ARID2: variants seen among roughly 807,000 people sequenced by gnomAD.
The protein encoded by ARID2 is AT-rich interactive domain-containing protein 2.
Under a neutral mutation model 184.6 loss-of-function variants are expected in ARID2, and 32 were observed. That is an observed-to-expected ratio of 0.17 (90% CI 0.13 to 0.23). The LOEUF is 0.23. ARID2 is among the 10% of genes least tolerant of loss of function. The probability of loss-of-function intolerance (pLI) is 1.00; values close to 1 mark genes in which losing one functional copy is unlikely to be tolerated. For synonymous variants in ARID2, 836 were observed against 772.6 expected (o/e 1.08, Z -1.36); for missense variants, 1,696 against 2,197.6 (o/e 0.77, Z 4.56).
rs779533809 is a variant in ARID2 at position 45,817,725 on chromosome 12, T to C, written c.474T>C (p.Tyr158=). ...LSMDFNSPND[Y]NKLVLSLLSG... is the part of the protein sequence containing the mutation. ...TGGACTTTAATTCGCCAAATGATTA[T>C]AATAAATTGGTGCTTTCACTGTTAT... Residue 158 remains tyrosine (Y), a synonymous_variant, in exon 5 of 21, where the codon TAT becomes TAC. Transcript: ENST00000334344. 6.2e-7 allele frequency: 1 copy of C among 1,613,004 alleles called. No individual in the cohort carries two copies. Among genetic ancestry groups the C allele is most frequent in the East Asian group, 2.2e-5 (1 of 44,838 alleles).
At position 45,775,311 on chromosome 12, in the gene ARID2, A is replaced by G. The variant is rs374152225; in HGVS notation, c.285-36107A>G. ...AACTATTTTTGGATCATTGCCCTCT[A>G]TGCCTGACAGAGTCTTCCAGAATGT... On this transcript the variant is annotated intron_variant, in intron 3 of 20. Transcript: ENST00000334344. Among the ~76,000 whole-genome samples, 351 of 152,292 alleles carry G rather than the reference A, an allele frequency of 2.3e-3. 12 individuals carry two copies. In the South Asian group the frequency reaches 0.068, roughly 29 times the overall value.
At chr12:45,884,028 T>C (rs189331454) in intron 16 of ARID2, among the ~76,000 whole-genome samples, 120 of 152,322 alleles carry the variant, frequency 7.9e-4, no homozygotes, top group Non-Finnish European at 1.3e-3. Context: ...TTTTTTTATT[T>C]CATTAAAACC....
chr12:45,850,798 G>A lies in ARID2; in HGVS notation c.2675G>A (p.Gly892Glu), dbSNP rs1419044661. 2 of 1,613,920 alleles carry A rather than the reference G, an allele frequency of 1.2e-6. No individual in the cohort carries two copies. Among genetic ancestry groups the A allele is most frequent in the African/African-American group, 2.7e-5 (2 of 74,852 alleles). ...GVPSPQASRV[G>E]FQNIAPKPLP... ...CCAAGTCCACAAGCCTCAAGGGTAG[G>A]GTTTCAGAACATTGCACCAAAACCT... The change falls in exon 15 of 21, where the codon GGG becomes GAG. Residue 892 changes from glycine (G) to glutamate (E), a missense_variant. This residue lies in a region of ARID2 where 713 missense variants were observed against 824.4 expected (regional missense o/e 0.86). Coordinates refer to ENST00000334344, the MANE Select transcript of ARID2 (RefSeq NM_152641.4).
chr12:45,760,741 A>G (rs1462368949), intron 3 of ARID2, among the ~76,000 whole-genome samples: 1 of 151,038 alleles, frequency 6.6e-6, no homozygotes, highest in East Asian at 2.0e-4. Context: ...TTTTGATACT[A>G]TGGTGGGTTT....
rs1456476967 is a variant in ARID2 at position 45,851,280 on chromosome 12, G to T, written c.3157G>T (p.Ala1053Ser). The change falls in exon 15 of 21, where the codon GCC becomes TCC. Residue 1053 changes from alanine to serine, a missense_variant. Ala to Ser is a moderately conservative substitution (Grantham distance 99). Coordinates refer to ENST00000334344, the MANE Select transcript of ARID2 (RefSeq NM_152641.4). Reference protein sequence around the residue: ...QQSNAGVGQPASGESSLIKQL... With the variant: ...QQSNAGVGQPSSGESSLIKQL... ...GTCGAATGCAGGAGTTGGTCAGCCT[G>T]CCTCTGGTGAGTCGAGTCTGATTAA... The T allele has an allele frequency of 6.2e-7, 1 of 1,614,194 alleles. No individual in the cohort carries two copies. The highest frequency in any genetic ancestry group is 1.1e-5 in the South Asian group (1 of 91,080).
chr12:45,848,772 G>A, intron 12 of ARID2, 64 bp from the exon 13 acceptor site: 3 of 1,405,544 alleles, frequency 2.1e-6, no homozygotes, highest in East Asian at 2.4e-5. Context: ...CATGGCTTTA[G>A]TATATTTAAA....
At chr12:45,745,730 A>G (rs921864876) in intron 3 of ARID2, among the ~76,000 whole-genome samples, 7 of 152,130 alleles carry the variant, frequency 4.6e-5, no homozygotes, top group African/African-American at 1.7e-4. Context: ...TTGTACGTTT[A>G]GTAGAGACAG....
chr12:45,875,885 A>G (rs1944001419), intron 16 of ARID2, among the ~76,000 whole-genome samples: 1 of 152,234 alleles, frequency 6.6e-6, no homozygotes, highest in East Asian at 1.9e-4. Context: ...TTGATATTCT[A>G]TCCAGACCTC....
At chr12:45,775,391 C>A (rs1370901799) in intron 3 of ARID2, among the ~76,000 whole-genome samples, 2 of 152,088 alleles carry the variant, frequency 1.3e-5, no homozygotes, top group African/African-American at 4.8e-5. Flanking sequence ...CTCTTTTATG[C>A]CCTTGGGTTT....
chr12:45,866,926 AG>A (rs1475486245), intron 16 of ARID2, among the ~76,000 whole-genome samples: 8 of 142,012 alleles, frequency 5.6e-5, no homozygotes, highest in African/African-American at 2.3e-4. Context: ...TGTTTTGTGA[AG>A]TTTGTTGTTG....
At position 45,738,779 on chromosome 12, in the gene ARID2, C is replaced by CTTTTTTTTTT. The variant is rs11333868; in HGVS notation, c.284+7490_284+7499dup. 5.9e-4 allele frequency among the ~76,000 whole-genome samples: 37 copies of CTTTTTTTTTT among 62,288 alleles called. 3 individuals carry two copies. Among genetic ancestry groups the CTTTTTTTTTT allele is most frequent in the South Asian group, 2.4e-3 (3 of 1,256 alleles). 40.9% of individuals were successfully genotyped at this position (62,288 alleles called of 152,430 possible). ...TTTTCTTCCTGGGGCATATGGGCTA[C>CTTTTTTTTTT]TTTTTTTTTTTTTTTTTTTTTTTTT... On this transcript the variant is annotated intron_variant, in intron 3 of 20. Coordinates refer to ENST00000334344, the MANE Select transcript of ARID2 (RefSeq NM_152641.4).
intron 3 of ARID2, among the ~76,000 whole-genome samples, chr12:45,805,434 G>A (rs1942582788): frequency 6.6e-6 from 1 of 151,868 alleles, no homozygotes; most frequent in Non-Finnish European, 1.5e-5. Flanking sequence ...ATTCAGATGA[G>A]GAGTATTGTT....
At chr12:45,768,424 CAA>C (rs1193613689) in intron 3 of ARID2, among the ~76,000 whole-genome samples, 5 of 152,174 alleles carry the variant, frequency 3.3e-5, no homozygotes, top group African/African-American at 4.8e-5. Context: ...CCCAACTCCA[CAA>C]AGTGTTTTTG....
chr12:45,861,462 G>C (rs1032206707), intron 16 of ARID2, among the ~76,000 whole-genome samples: 1 of 151,918 alleles, frequency 6.6e-6, no homozygotes, highest in Non-Finnish European at 1.5e-5. Context: ...TCTTAGACTT[G>C]AAGGAAAACT....
intron 8 of ARID2, 111 bp from the exon 9 acceptor site, chr12:45,837,210 A>G: frequency 8.5e-7 from 1 of 1,179,438 alleles, no homozygotes; most frequent in Non-Finnish European, 1.2e-6. Flanking sequence ...TTACAATAAC[A>G]TTTTTTAACG....
intron 20 of ARID2, among the ~76,000 whole-genome samples, chr12:45,900,209 C>T (rs1944440516): frequency 6.6e-6 from 1 of 152,056 alleles, no homozygotes; most frequent in African/African-American, 2.4e-5. Flanking sequence ...TACAGGCTCC[C>T]ACTACTACGC....
chr12:45,785,278 A>C (rs1418049861), intron 3 of ARID2, among the ~76,000 whole-genome samples: 1 of 152,208 alleles, frequency 6.6e-6, no homozygotes, highest in Non-Finnish European at 1.5e-5. Flanking sequence ...TACCTTCTTC[A>C]ACCCTCAGTT....
chr12:45,793,825 T>TA (rs201374082), intron 3 of ARID2, among the ~76,000 whole-genome samples: 32 of 149,138 alleles, frequency 2.1e-4, no homozygotes, highest in East Asian at 7.8e-4. Flanking sequence ...CTGCTGGTTT[T>TA]AAAAAAAAAA....
At chr12:45,871,967 C>T (rs377121888) in intron 16 of ARID2, among the ~76,000 whole-genome samples, 2 of 151,936 alleles carry the variant, frequency 1.3e-5, no homozygotes, top group East Asian at 3.9e-4. Context: ...GTCCCTTTTT[C>T]ATTTCTGATA....
Sources: allele counts gnomAD v4.1 joint callset (sites outside exome capture counted in the v4.1 genomes callset), GRCh38; gene constraint gnomAD v4.1.1; regional missense constraint gnomAD v4.1.1; transcripts MANE v1.5; gene names NCBI Gene and HGNC (gene_info 2026-07-23, HGNC 2026-07-21).